TRAF2: variants seen among roughly 807,000 people sequenced by gnomAD.
TRAF2 encodes the protein TNF receptor associated factor 2.
Under a neutral mutation model 55.6 loss-of-function variants are expected in TRAF2, and 6 were observed. The ratio of observed to expected loss-of-function variants is 0.11; its 90% CI spans 0.06 to 0.21. The LOEUF (loss-of-function observed/expected upper bound fraction) is 0.21. Ranked by LOEUF, TRAF2 falls within the 10% of genes least tolerant of loss-of-function variation. The pLI, the probability that TRAF2 is intolerant of heterozygous loss-of-function variation, is 1.00. For synonymous variants in TRAF2, 329 were observed against 276.3 expected, an observed-to-expected ratio of 1.19 and a Z score of -1.89; for missense variants, 561 against 684.5, an observed-to-expected ratio of 0.82 and a Z score of 2.01.
rs776898450 is a variant in TRAF2 at position 136,899,638 on chromosome 9, A to G, written c.233A>G (p.Tyr78Cys). 1.2e-6 allele frequency: 2 copies of G among 1,613,286 alleles called. No individual in the cohort carries two copies. The highest frequency in any genetic ancestry group is 1.7e-6 in the Non-Finnish European group (2 of 1,179,372). Reference protein sequence around the residue: ...NCAACVHEGIYEEGISILESS... With the variant: ...NCAACVHEGICEEGISILESS... Reference sequence around the variant, plus strand: ...GCTGCCTGTGTTCACGAGGGCATATATGAAGAAGGCATTTCTATTTTAGAA... The same window carrying G: ...GCTGCCTGTGTTCACGAGGGCATATGTGAAGAAGGCATTTCTATTTTAGAA... The change falls in exon 3 of 11, where the codon TAT (tyrosine) becomes TGT (cysteine). Residue 78 changes from tyrosine to cysteine, a missense_variant. Around this residue, in one of 2 missense-constraint regions of TRAF2, gnomAD observed 426 missense variants for 476.8 expected, o/e 0.89. Coordinates refer to ENST00000247668, the MANE Select transcript of TRAF2 (RefSeq NM_021138.4).
intron 9 of TRAF2, chr9:136,922,311 A>AG (rs1054296779): frequency 3.3e-5 from 5 of 152,284 alleles, no homozygotes; most frequent in Non-Finnish European, 1.5e-5. Context: ...GGCAGCCTGC[A>AG]GGGCATGGCC....
intron 1 of TRAF2, among the ~76,000 whole-genome samples, chr9:136,890,796 G>C (rs1429453156): frequency 6.6e-6 from 1 of 152,242 alleles, no homozygotes; most frequent in Non-Finnish European, 1.5e-5. Flanking sequence ...TGTCCTGGCT[G>C]TCTGGGGTTG....
rs1397615734 is a variant in TRAF2 at position 136,905,207 on chromosome 9, C to T, written c.367-2863C>T. Among the ~76,000 whole-genome samples the T allele has an allele frequency of 2.0e-5, 3 of 152,260 alleles. No individual in the cohort carries two copies. In the East Asian group the frequency reaches 5.8e-4, roughly 29 times the overall value. ...CCCACCCCATGAAGGGCCCCGCAGC[C>T]AGGTCCTCTGCTGCCCTGGCCTCTC... On this transcript the variant is annotated intron_variant, in intron 4 of 10. Transcript: ENST00000247668.
intron 4 of TRAF2, among the ~76,000 whole-genome samples, chr9:136,905,210 G>A (rs1338808314): frequency 1.3e-5 from 2 of 152,232 alleles, no homozygotes; most frequent in African/African-American, 4.8e-5. Context: ...CCGCAGCCAG[G>A]TCCTCTGCTG....
At chr9:136,893,455 G>C (rs900213997) in intron 1 of TRAF2, among the ~76,000 whole-genome samples, 2 of 152,224 alleles carry the variant, frequency 1.3e-5, no homozygotes, top group Non-Finnish European at 2.9e-5. Flanking sequence ...AGGTCAGTGA[G>C]CGCAGGTCAG....
In TRAF2 at chr9:136,892,878, A is replaced by G. The variant is rs150198781; in HGVS notation, c.-28-5835A>G. On this transcript the variant is annotated intron_variant, in intron 1 of 10. Coordinates refer to ENST00000247668, the MANE Select transcript of TRAF2 (RefSeq NM_021138.4). ...GCGACAGAGCAAGACTCTGTCTCAC[A>G]TGAATAAATAAATAAACCATTAGTG... Among the ~76,000 whole-genome samples the G allele has an allele frequency of 4.3e-3, 655 of 152,362 alleles. 4 individuals carry two copies. Among genetic ancestry groups the G allele is most frequent in the African/African-American group, 0.015 (626 of 41,590 alleles).
chr9:136,907,491 C>G (rs1849982429), intron 4 of TRAF2, among the ~76,000 whole-genome samples: 1 of 152,228 alleles, frequency 6.6e-6, no homozygotes, highest in Non-Finnish European at 1.5e-5. Context: ...GCAGCTAGAC[C>G]CAGCTCCTGG....
rs555930801 is a variant in TRAF2 at position 136,907,739 on chromosome 9, G to A, written c.367-331G>A. 3.9e-5 allele frequency among the ~76,000 whole-genome samples: 6 copies of A among 152,292 alleles called. No individual in the cohort carries two copies. In the East Asian group the frequency reaches 7.7e-4, roughly 20 times the overall value. On this transcript the variant is annotated intron_variant, in intron 4 of 10. Coordinates refer to ENST00000247668, the MANE Select transcript of TRAF2 (RefSeq NM_021138.4). ...GAGCTGGTGTGTGTGGCAGGGACCC[G>A]CTGGCGCAGAGCAGGGACTGTGCAC... is the stretch of plus-strand genomic sequence containing the variant.
chr9:136,899,095 A>G (rs1849755013), intron 2 of TRAF2, among the ~76,000 whole-genome samples, 167 bp downstream of exon 2: 2 of 152,260 alleles, frequency 1.3e-5, no homozygotes, highest in Admixed American at 6.5e-5. Context: ...TGTAAAATTA[A>G]TAATTTTAAA....
intron 10 of TRAF2, among the ~76,000 whole-genome samples, chr9:136,924,788 G>A (rs920244405): frequency 1.3e-5 from 2 of 152,014 alleles, no homozygotes; most frequent in Non-Finnish European, 2.9e-5. Context: ...CGCCCAGGCT[G>A]GAGTGCAGTG....
chr9:136,909,884 C>T lies in TRAF2; in HGVS notation c.529-36C>T, dbSNP rs373920918. 1.8e-5 allele frequency: 29 copies of T among 1,611,246 alleles called. No individual in the cohort carries two copies. In the African/African-American group the frequency reaches 2.3e-4, roughly 13 times the overall value. On this transcript the variant is annotated intron_variant, in intron 5 of 10. Coordinates refer to ENST00000247668, the MANE Select transcript of TRAF2 (RefSeq NM_021138.4). ...GCCCTCCACCCGCGCCTGGCATTGG[C>T]GTCCACCCTCACACTCCTGATCCCT...
At chr9:136,906,705 T>C (rs902034182) in intron 4 of TRAF2, among the ~76,000 whole-genome samples, 23 of 152,188 alleles carry the variant, frequency 1.5e-4, no homozygotes, top group African/African-American at 5.5e-4. Flanking sequence ...CAGCCCCTTA[T>C]GGAGGCAGGT....
chr9:136,900,672 T>C (rs1849799913), intron 4 of TRAF2, 152 bp downstream of exon 4: 1 of 721,056 alleles, frequency 1.4e-6, no homozygotes, highest in Non-Finnish European at 2.5e-6. Context: ...GAGCTGCTCC[T>C]TAGAGTATGT....
intron 5 of TRAF2, among the ~76,000 whole-genome samples, chr9:136,909,060 A>G (rs1279071833): frequency 6.6e-6 from 1 of 151,764 alleles, no homozygotes; most frequent in Non-Finnish European, 1.5e-5. Context: ...AAGAAAAAAA[A>G]TTTTTAAAAA....
At chr9:136,912,900 A>G (rs1850150892) in intron 6 of TRAF2, among the ~76,000 whole-genome samples, 1 of 152,190 alleles carries the variant, frequency 6.6e-6, no homozygotes, top group African/African-American at 2.4e-5. Context: ...TGGGAAGCCA[A>G]GGCAGGTGGA....
Position 136,887,027 on chromosome 9 carries a change from C to T in TRAF2, c.-29+486C>T, listed in dbSNP as rs550372184. Among the ~76,000 whole-genome samples, 15 of 152,172 alleles carry T rather than the reference C, an allele frequency of 9.9e-5. No homozygotes were observed. In the East Asian group the frequency reaches 2.7e-3, roughly 28 times the overall value. On this transcript the variant is annotated intron_variant, in intron 1 of 10. Coordinates refer to ENST00000247668, the MANE Select transcript of TRAF2 (RefSeq NM_021138.4). ...CCTCCGACCCCTGAGTTTGCCAGCGCCCCCCAGCCAGGGGTCGGGGAAGAC... is the reference window on the plus strand; with the variant it reads ...CCTCCGACCCCTGAGTTTGCCAGCGTCCCCCAGCCAGGGGTCGGGGAAGAC...
At chr9:136,913,295 A>ATTTTT (rs369765173) in intron 6 of TRAF2, among the ~76,000 whole-genome samples, 11,430 of 86,940 alleles carry the variant, frequency 0.13, 1,540 homozygotes, top group African/African-American at 0.16. Context: ...TTATAAAGGA[A>ATTTTT]TTTTTTTTTT....
At chr9:136,918,721 T>C (rs1850305398) in intron 7 of TRAF2, among the ~76,000 whole-genome samples, 1 of 151,786 alleles carries the variant, frequency 6.6e-6, no homozygotes, top group African/African-American at 2.4e-5. Context: ...TTTTTATTTC[T>C]TATTTTATTT....
chr9:136,903,973 C>T (rs987103980), intron 4 of TRAF2, among the ~76,000 whole-genome samples: 1 of 152,168 alleles, frequency 6.6e-6, no homozygotes. Flanking sequence ...TGAGCCACCG[C>T]GCCCAGCCAA....
Sources: allele counts gnomAD v4.1 joint callset (sites outside exome capture counted in the v4.1 genomes callset), GRCh38; gene constraint gnomAD v4.1.1; regional missense constraint gnomAD v4.1.1; transcripts MANE v1.5; gene names NCBI Gene and HGNC (gene_info 2026-07-23, HGNC 2026-07-21).